The following GTPBP3 variants were observed in gnomAD, a reference collection of about 807,000 sequenced individuals.
GTPBP3 encodes GTP binding protein 3, mitochondrial.
Under a neutral mutation model 42.0 loss-of-function variants are expected in GTPBP3, and 35 were observed. The ratio of observed to expected loss-of-function variants is 0.83; its 90% CI spans 0.64 to 1.10. The LOEUF (loss-of-function observed/expected upper bound fraction) is 1.10, where lower values mean the gene tolerates loss of function less well. Among genes scored for constraint, GTPBP3 ranks in the 50% least tolerant of loss-of-function variants. GTPBP3 has a pLI of 0.00. For missense variants in GTPBP3, 691 were observed against 685.2 expected (o/e 1.01, Z -0.09); for synonymous variants, 332 against 314.9 (o/e 1.05, Z -0.58).
At chr19:17,337,552 C>T (rs920374857), upstream of GTPBP3, 8 of 1,299,612 alleles carry the variant, frequency 6.2e-6, no homozygotes, top group African/African-American at 1.2e-4. Flanking sequence ...GGCGGGGCCC[C>T]CTGCCCAGAC....
chr19:17,337,333 C>T (rs999821430), upstream of GTPBP3: 4 of 397,236 alleles, frequency 1.0e-5, no homozygotes, highest in Non-Finnish European at 1.7e-5. Flanking sequence ...TATTGTCAGC[C>T]TCGCTGCGCT....
At chr19:17,335,812 ACGC>A (rs1335408690), upstream of GTPBP3, among the ~76,000 whole-genome samples, 2,435 of 150,086 alleles carry the variant, frequency 0.016, 23 homozygotes, top group Middle Eastern at 0.027. Flanking sequence ...CGCTTGCTGT[ACGC>A]TTGTTACAGA....
In GTPBP3 at chr19:17,339,436, C is replaced by T. The variant is rs752605508; in HGVS notation, c.811C>T (p.Arg271Trp). The stretch of plus-strand genomic sequence containing the variant: ...CTCTTCTTCTGACCCTCCCCCAGGT[C>T]GGAAGCCTGTGTCCATCGTGTCCCC... The part of the protein sequence containing the change: ...GKSSLVNLLS[R>W]KPVSIVSPEP... The change falls in exon 7 of 9, where the codon CGG becomes TGG. Residue 271 changes from arginine (R) to tryptophan (W), a missense_variant and splice_region_variant. By Grantham distance (101) the Arg-to-Trp change is moderately radical. Transcript: ENST00000324894. 1 of 1,613,422 alleles carries T rather than the reference C, an allele frequency of 6.2e-7. No homozygotes were observed. The highest frequency in any genetic ancestry group is 1.7e-5 in the Admixed American group (1 of 59,986).
intron 7 of GTPBP3, chr19:17,340,805 G>C (rs981531643): frequency 3.2e-6 from 1 of 316,288 alleles, no homozygotes; most frequent in Non-Finnish European, 5.6e-6. Context: ...CACCGTGACC[G>C]CTCCTCTTGC....
chr19:17,335,717 G>A (rs1380976870), upstream of GTPBP3, among the ~76,000 whole-genome samples: 1 of 152,142 alleles, frequency 6.6e-6, no homozygotes, highest in Non-Finnish European at 1.5e-5. Context: ...TGACTATTCT[G>A]AGTAGCTCAG....
chr19:17,337,790 C>A, intron 1 of GTPBP3, 126 bp downstream of exon 1: 1 of 1,269,596 alleles, frequency 7.9e-7, no homozygotes, highest in Non-Finnish European at 1.1e-6. Context: ...GTGCCTCAAT[C>A]GTTCATGACC....
At position 17,338,452 on chromosome 19, in the gene GTPBP3, G is replaced by A. The variant is rs1263874755; in HGVS notation, c.388+1G>A. On this transcript the variant is annotated splice_donor_variant, in intron 3 of 8. Transcript: ENST00000324894. LOFTEE classifies it high-confidence loss of function. ...GTGAGCGGCGTCCTGCAGGCCTTGG[G>A]TGAGTTGCAGCGTTGGGTGAGATGC... The A allele has an allele frequency of 3.7e-6, 6 of 1,614,056 alleles. No individual in the cohort carries two copies. The highest frequency in any genetic ancestry group is 5.1e-6 in the Non-Finnish European group (6 of 1,179,976).
At chr19:17,339,851 A>C (rs536518877) in intron 7 of GTPBP3, among the ~76,000 whole-genome samples, 3 of 148,562 alleles carry the variant, frequency 2.0e-5, no homozygotes, top group Non-Finnish European at 4.4e-5. Flanking sequence ...GGTTCAAGCA[A>C]GTCTCCTGCC....
At chr19:17,335,993 G>C (rs1287692174), upstream of GTPBP3, among the ~76,000 whole-genome samples, 6 of 152,068 alleles carry the variant, frequency 3.9e-5, no homozygotes, top group African/African-American at 1.4e-4. Flanking sequence ...CCAGCATTTT[G>C]GGAGGCCAAG....
Position 17,339,586 on chromosome 19 carries a change from C to T in GTPBP3, c.961C>T (p.Arg321Cys). The change falls in exon 7 of 9, where the codon CGC becomes TGC. Residue 321 changes from arginine to cysteine, a missense_variant. By Grantham distance (180) the Arg-to-Cys change is radical (BLOSUM62 -3). Transcript: ENST00000324894. ...GCCCGTGGAGCAGGAGGGCGTGCGG[C>T]GCGCCCGGGAGAGGTGGGCGGACAG... ...VGPVEQEGVRRARERLEQADL... is the reference protein window; with the variant it reads ...VGPVEQEGVRCARERLEQADL... 2 of 1,606,666 alleles carry T rather than the reference C, an allele frequency of 1.2e-6. No homozygotes were observed. Among genetic ancestry groups the T allele is most frequent in the Admixed American group, 1.7e-5 (1 of 59,520 alleles).
chr19:17,337,631 C>T lies in GTPBP3; in HGVS notation c.20C>T (p.Thr7Ile), dbSNP rs745745355. 3.0e-6 allele frequency: 4 copies of T among 1,336,824 alleles called. No individual in the cohort carries two copies. The highest frequency in any genetic ancestry group is 3.8e-6 in the Non-Finnish European group (4 of 1,039,148). 82.8% of individuals were successfully genotyped at this position (1,336,824 alleles called of 1,614,324 possible). Residue 7 changes from threonine to isoleucine, a missense_variant, in exon 1 of 9, where the codon ACC (threonine) becomes ATC (isoleucine). Physicochemically the swap from Thr to Ile is moderately conservative, Grantham distance 89. Transcript: ENST00000324894. MWRGLW[T>I]LAAQAARGPR... is the part of the protein sequence containing the mutation. ...AAATCCATGTGGCGGGGGCTTTGGA[C>T]CCTGGCGGCCCAAGCGGCACGTGGG...
Position 17,341,590 on chromosome 19 carries a change from C to T in GTPBP3, c.1366C>T (p.Leu456=), listed in dbSNP as rs61730224. Residue 456 remains leucine (L), a synonymous_variant, in exon 9 of 9, where the codon CTG becomes TTG. Coordinates refer to ENST00000324894, the MANE Select transcript of GTPBP3 (RefSeq NM_032620.4). ...CTACAAGCAGTCAAAAGACCTGGCC[C>T]TGGCGGCAGAGGCGCTGCGGGTGGC... The part of the protein sequence containing the change: ...GHYKQSKDLA[L]AAEALRVARG... 9.6e-3 allele frequency: 15,456 copies of T among 1,613,936 alleles called. 106 individuals are homozygous for T. Among genetic ancestry groups the T allele is most frequent in the Non-Finnish European group, 0.012 (13,712 of 1,179,956 alleles).
At chr19:17,339,331 GAGTT>G in intron 6 of GTPBP3, 65 bp downstream of exon 6, 1 of 1,580,536 alleles carries the variant, frequency 6.3e-7, no homozygotes, top group Non-Finnish European at 8.6e-7. Context: ...CTGGGTTATT[GAGTT>G]AGTTGTTCAG....
Position 17,339,666 on chromosome 19 carries a change from GTTTA to G in GTPBP3, c.974+71_974+74del, listed in dbSNP as rs910121944. ...TTTCTCTGCCTTTTCTCCCTGTTGC[GTTTA>G]TTTTTCATTCTTCCTGAATCAGAGA... On this transcript the variant is annotated intron_variant, in intron 7 of 8. Transcript: ENST00000324894. 5 of 1,453,094 alleles carry G rather than the reference GTTTA, an allele frequency of 3.4e-6. No individual in the cohort carries two copies. The African/African-American group carries it at 7.1e-5, about 21-fold the overall frequency. The allele number at this position is 1,453,094 out of a possible 1,614,324, so 90.0% of individuals were successfully genotyped here. A position where few individuals can be genotyped will look rare whatever the true frequency, so the allele number is the denominator to read the frequency against.
Position 17,339,166 on chromosome 19 carries a change from T to A in GTPBP3, c.708T>A (p.His236Gln). 2 of 1,613,848 alleles carry A rather than the reference T, an allele frequency of 1.2e-6. No homozygotes were observed. The highest frequency in any genetic ancestry group is 1.1e-5 in the South Asian group (1 of 91,082). ...VRALQVALGA[H>Q]LRDARRGQRL... Reference sequence around the variant, plus strand: ...CACTGCAGGTGGCCCTGGGTGCACATCTACGAGATGCCAGGCGCGGGCAGA... The same window carrying A: ...CACTGCAGGTGGCCCTGGGTGCACAACTACGAGATGCCAGGCGCGGGCAGA... Residue 236 changes from histidine to glutamine, a missense_variant, in exon 6 of 9, where the codon CAT (histidine) becomes CAA (glutamine). Transcript: ENST00000324894.
chr19:17,339,484 G>A lies in GTPBP3; in HGVS notation c.859G>A (p.Val287Met), dbSNP rs760973573. Residue 287 changes from valine to methionine, a missense_variant, in exon 7 of 9, where the codon GTG (valine) becomes ATG (methionine). Physicochemically the swap from Val to Met is conservative, Grantham distance 21. Transcript: ENST00000324894. ...VSPEPGTTRD[V>M]LETPVDLAGF... ...CCCGGAGCCAGGGACCACCCGTGAC[G>A]TGCTGGAGACCCCAGTCGACCTGGC... The A allele has an allele frequency of 1.9e-6, 3 of 1,614,004 alleles. No individual in the cohort carries two copies. The highest frequency in any genetic ancestry group is 1.1e-5 in the South Asian group (1 of 91,086).
Position 17,337,646 on chromosome 19 carries a change from C to G in GTPBP3, c.35C>G (p.Ala12Gly), listed in dbSNP as rs200232501. The change falls in exon 1 of 9, where the codon GCG (alanine) becomes GGG (glycine). Residue 12 changes from alanine to glycine, a missense_variant. Coordinates refer to ENST00000324894, the MANE Select transcript of GTPBP3 (RefSeq NM_032620.4). ...GGGCTTTGGACCCTGGCGGCCCAAG[C>G]GGCACGTGGGCCTCGCAGGTGGGGC... ...WRGLWTLAAQ[A>G]ARGPRRLCTR... is the part of the protein sequence containing the mutation. 1.3e-5 allele frequency: 18 copies of G among 1,333,710 alleles called. 1 individual carries two copies. In the East Asian group the frequency reaches 5.4e-4, roughly 40 times the overall value. 82.6% of individuals were successfully genotyped at this position (1,333,710 alleles called of 1,614,324 possible).
chr19:17,335,702 AC>A, upstream of GTPBP3, among the ~76,000 whole-genome samples: 6 of 152,296 alleles, frequency 3.9e-5, 1 homozygote, highest in Admixed American at 3.9e-4. Context: ...CATTTGGCCA[AC>A]CCCTGACTAT....
In GTPBP3 at chr19:17,339,138, G is replaced by A. The variant is rs2074400586; in HGVS notation, c.680G>A (p.Arg227Gln). The A allele has an allele frequency of 5.0e-6, 8 of 1,613,904 alleles. No individual in the cohort carries two copies. In the East Asian group the frequency reaches 1.1e-4, roughly 22 times the overall value. The change falls in exon 6 of 9, where the codon CGG becomes CAG. Residue 227 changes from arginine (R) to glutamine (Q), a missense_variant. Arg to Gln is a conservative substitution (Grantham distance 43). Coordinates refer to ENST00000324894, the MANE Select transcript of GTPBP3 (RefSeq NM_032620.4). ...TCACCCACAGCCGACATCGAAGTAC[G>A]GGCACTGCAGGTGGCCCTGGGTGCA... ...GVLEQADIEVRALQVALGAHL... is the reference protein window; with the variant it reads ...GVLEQADIEVQALQVALGAHL...
Sources: allele counts gnomAD v4.1 joint callset (sites outside exome capture counted in the v4.1 genomes callset), GRCh38; gene constraint gnomAD v4.1.1; transcripts MANE v1.5; gene names NCBI Gene and HGNC (gene_info 2026-07-23, HGNC 2026-07-21).